Variants in ABI3BP observed in about 807,000 individuals in gnomAD.
ABI3BP encodes the protein target of Nesh-SH3.
Under a neutral mutation model 268.6 loss-of-function variants are expected in ABI3BP, and 216 were observed. That is an observed-to-expected ratio of 0.80 (90% CI 0.72 to 0.90). ABI3BP has a LOEUF of 0.90. Among genes scored for constraint, ABI3BP ranks in the 40% least tolerant of loss-of-function variants. The probability of loss-of-function intolerance (pLI) is 0.00; values close to 1 mark genes in which losing one functional copy is unlikely to be tolerated. For missense variants in ABI3BP, 2,090 were observed against 2,182.4 expected, an observed-to-expected ratio of 0.96 and a Z score of 0.84; for synonymous variants, 730 against 730.0, an observed-to-expected ratio of 1.00 and a Z score of 0.00.
At position 100,898,736 on chromosome 3, in the gene ABI3BP, C is replaced by T. The variant is rs535814701; in HGVS notation, c.461+26G>A. On this transcript the variant is annotated intron_variant, in intron 4 of 67. Coordinates refer to ENST00000471714, the MANE Select transcript of ABI3BP (RefSeq NM_001375547.2). ...TATTCTTCTAAAGCATGTACAGATGCTATTAAAAGCAAATGCTAATATTAC... is the reference window on the plus strand; with the variant it reads ...TATTCTTCTAAAGCATGTACAGATGTTATTAAAAGCAAATGCTAATATTAC... The T allele has an allele frequency of 2.0e-5, 32 of 1,605,868 alleles. No homozygotes were observed. In the South Asian group the frequency reaches 2.3e-4, roughly 12 times the overall value.
At chr3:100,920,937 C>G (rs958687381) in intron 2 of ABI3BP, among the ~76,000 whole-genome samples, 4 of 152,210 alleles carry the variant, frequency 2.6e-5, no homozygotes, top group Admixed American at 2.6e-4. Flanking sequence ...CAAGTGAAGA[C>G]TGATCTTTCC....
chr3:100,959,057 T>A (rs1340140887), intron 1 of ABI3BP, among the ~76,000 whole-genome samples: 1 of 152,118 alleles, frequency 6.6e-6, no homozygotes, highest in Admixed American at 6.5e-5. Flanking sequence ...GAAGATCCGC[T>A]GCAGCCAGAA....
intron 1 of ABI3BP, among the ~76,000 whole-genome samples, chr3:100,966,059 A>G (rs2081181740): frequency 6.6e-6 from 1 of 152,178 alleles, no homozygotes; most frequent in South Asian, 2.1e-4. Flanking sequence ...CTTTGATCCT[A>G]GGAGACCTAC....
intron 2 of ABI3BP, among the ~76,000 whole-genome samples, chr3:100,920,049 G>C (rs540752266): frequency 5.3e-5 from 8 of 152,138 alleles, no homozygotes; most frequent in African/African-American, 1.9e-4. Context: ...GTTTTTTAAT[G>C]TTGTTTTGAG....
chr3:100,986,552 C>T (rs1193898367), intron 1 of ABI3BP, among the ~76,000 whole-genome samples: 7 of 152,040 alleles, frequency 4.6e-5, no homozygotes, highest in Non-Finnish European at 8.8e-5. Flanking sequence ...CTGCAACCTC[C>T]GCCTCCTGGG....
intron 22 of ABI3BP, 39 bp from the exon 23 acceptor site, chr3:100,840,203 G>A: frequency 7.0e-7 from 1 of 1,421,910 alleles, no homozygotes; most frequent in Non-Finnish European, 9.4e-7. Context: ...CAAGAAGGGT[G>A]GATTTACAAA....
intron 6 of ABI3BP, 145 bp from the exon 7 acceptor site, chr3:100,876,705 C>T (rs149745947): frequency 4.8e-5 from 32 of 667,756 alleles, no homozygotes; most frequent in Admixed American, 2.2e-4. Context: ...GGTGGCGGGG[C>T]GTGGTGGCTC....
chr3:100,849,924 T>G (rs2098819251), intron 17 of ABI3BP, 121 bp downstream of exon 17: 2 of 782,710 alleles, frequency 2.6e-6, no homozygotes, highest in Non-Finnish European at 4.2e-6. Context: ...TGGTAGAGAC[T>G]GAAGGGAAAT....
chr3:100,915,473 G>A (rs2153581508), intron 2 of ABI3BP, among the ~76,000 whole-genome samples: 1 of 152,300 alleles, frequency 6.6e-6, no homozygotes, highest in South Asian at 2.1e-4. Context: ...CCCTGCTGGA[G>A]GTGGAGGGCA....
At chr3:100,887,504 G>A (rs965162829) in intron 4 of ABI3BP, among the ~76,000 whole-genome samples, 10 of 152,100 alleles carry the variant, frequency 6.6e-5, no homozygotes, top group Admixed American at 5.2e-4. Context: ...AATAGGATTT[G>A]AGATGGGGTC....
At chr3:100,853,599 T>C (rs2098894366) in intron 14 of ABI3BP, among the ~76,000 whole-genome samples, 1 of 152,242 alleles carries the variant, frequency 6.6e-6, no homozygotes, top group South Asian at 2.1e-4. Context: ...TTCCATTTAG[T>C]GACATTGGAC....
At chr3:100,865,765 A>C (rs1033268480) in intron 10 of ABI3BP, among the ~76,000 whole-genome samples, 23 of 152,204 alleles carry the variant, frequency 1.5e-4, no homozygotes, top group African/African-American at 5.1e-4. Context: ...CAAGAGAAAA[A>C]AGTATAATTG....
rs1452058771 is a variant in ABI3BP at position 100,846,430 on chromosome 3, T to C, written c.1665A>G (p.Gln555=). ...GGATTTTAGGTTTCAGAGAAATAAATTGTGTTTTACCGGGAGCTGGAAAAA... is the reference window on the plus strand; with the variant it reads ...GGATTTTAGGTTTCAGAGAAATAAACTGTGTTTTACCGGGAGCTGGAAAAA... ...TWTTPAPGKT[Q]FISLKPKIPL... The change falls in exon 20 of 68, where the codon CAA becomes CAG. Residue 555 remains glutamine, a synonymous_variant. Transcript: ENST00000471714. The C allele has an allele frequency of 1.9e-6, 3 of 1,596,968 alleles. No individual in the cohort carries two copies. Among genetic ancestry groups the C allele is most frequent in the African/African-American group, 1.3e-5 (1 of 74,750 alleles).
At chr3:100,920,073 G>A (rs956786332) in intron 2 of ABI3BP, among the ~76,000 whole-genome samples, 2 of 152,158 alleles carry the variant, frequency 1.3e-5, no homozygotes, top group Non-Finnish European at 2.9e-5. Flanking sequence ...TGACCCTGAC[G>A]AGAAACATAC....
At chr3:100,785,042 A>C (rs1166738986) in intron 57 of ABI3BP, among the ~76,000 whole-genome samples, 2 of 152,182 alleles carry the variant, frequency 1.3e-5, no homozygotes, top group Non-Finnish European at 2.9e-5. Flanking sequence ...AACAAAACCC[A>C]AAAACCATTG....
intron 21 of ABI3BP, 73 bp downstream of exon 21, chr3:100,841,924 CA>C: frequency 8.1e-7 from 1 of 1,230,962 alleles, no homozygotes; most frequent in Non-Finnish European, 1.1e-6. Context: ...AAACAAAACC[CA>C]AAGCTGAACA....
At position 100,812,520 on chromosome 3, in the gene ABI3BP, G is replaced by C; in HGVS notation, c.3368C>G (p.Ser1123Cys). 1 of 1,329,530 alleles carries C rather than the reference G, an allele frequency of 7.5e-7. No homozygotes were observed. The highest frequency in any genetic ancestry group is 9.6e-7 in the Non-Finnish European group (1 of 1,040,510). The allele number at this position is 1,329,530 out of a possible 1,614,324, so 82.4% of individuals were successfully genotyped here. Residue 1123 changes from serine to cysteine, a missense_variant, in exon 46 of 68, where the codon TCT (serine) becomes TGT (cysteine). Ser to Cys is a moderately radical substitution (Grantham distance 112, BLOSUM62 -1). Transcript: ENST00000471714. ...SLEMTESQPVSDVLESVTLST... is the reference protein window; with the variant it reads ...SLEMTESQPVCDVLESVTLST... ...AAGTGTAACCGATTCCAGAACATCA[G>C]AAACTAGTAAAAAACAGAAAATGGT...
chr3:100,927,461 T>C (rs982859036), intron 1 of ABI3BP, among the ~76,000 whole-genome samples: 1 of 150,200 alleles, frequency 6.7e-6, no homozygotes, highest in Non-Finnish European at 1.5e-5. Context: ...GTTGTGGCAC[T>C]GCTATAAAGA....
intron 63 of ABI3BP, among the ~76,000 whole-genome samples, chr3:100,759,912 T>C (rs2095847524): frequency 6.6e-6 from 1 of 152,190 alleles, no homozygotes; most frequent in African/African-American, 2.4e-5. Context: ...GTTGAGAAGT[T>C]AATACAGAAT....
Sources: allele counts gnomAD v4.1 joint callset (sites outside exome capture counted in the v4.1 genomes callset), GRCh38; gene constraint gnomAD v4.1.1; transcripts MANE v1.5; gene names NCBI Gene and HGNC (gene_info 2026-07-23, HGNC 2026-07-21).